The following UVRAG variants were observed in gnomAD, a reference collection of about 807,000 sequenced individuals.
The protein encoded by UVRAG is UV radiation resistance associated.
A neutral mutation model predicts 78.0 loss-of-function variants in UVRAG; 19 were observed. The ratio of observed to expected loss-of-function variants is 0.24; its 90% CI spans 0.17 to 0.36. UVRAG has a LOEUF of 0.36. Ranked by LOEUF, UVRAG falls within the 10% of genes least tolerant of loss-of-function variation. UVRAG has a pLI of 1.00. For synonymous variants in UVRAG, 323 were observed against 324.6 expected, an observed-to-expected ratio of 1.00 and a Z score of 0.05; for missense variants, 740 against 853.8, an observed-to-expected ratio of 0.87 and a Z score of 1.66.
At chr11:75,874,696 A>G (rs1419503653) in intron 3 of UVRAG, among the ~76,000 whole-genome samples, 1 of 152,252 alleles carries the variant, frequency 6.6e-6, no homozygotes, top group Non-Finnish European at 1.5e-5. Context: ...GACTGTCACT[A>G]GTAAGTATTA....
chr11:76,058,124 T>G (rs2134365154), intron 12 of UVRAG, among the ~76,000 whole-genome samples: 1 of 152,278 alleles, frequency 6.6e-6, no homozygotes, highest in Non-Finnish European at 1.5e-5. Flanking sequence ...GGTATTCATG[T>G]TATAATCTAT....
At chr11:75,885,499 A>G (rs759780085) in intron 4 of UVRAG, among the ~76,000 whole-genome samples, 4 of 152,138 alleles carry the variant, frequency 2.6e-5, no homozygotes, top group African/African-American at 4.8e-5. Flanking sequence ...TTTGCCAAAG[A>G]TCGCGCAGTG....
intron 7 of UVRAG, among the ~76,000 whole-genome samples, chr11:75,977,802 T>A (rs1387034396): frequency 2.0e-5 from 3 of 152,188 alleles, no homozygotes; most frequent in Admixed American, 6.5e-5. Context: ...TACAGCACAC[T>A]TATGGGTCTT....
chr11:75,932,323 T>C (rs1280644886), intron 6 of UVRAG, among the ~76,000 whole-genome samples: 1 of 152,014 alleles, frequency 6.6e-6, no homozygotes, highest in Admixed American at 6.6e-5. Flanking sequence ...TCTCACTCTG[T>C]CATCAGGCTG....
At chr11:76,137,594 C>G in intron 14 of UVRAG, 1 of 392,644 alleles carries the variant, frequency 2.5e-6, no homozygotes, top group Non-Finnish European at 5.0e-6. Flanking sequence ...AATTTCCTTA[C>G]CATTCTTAAG....
intron 12 of UVRAG, among the ~76,000 whole-genome samples, chr11:76,043,058 G>A (rs903533347): frequency 6.6e-6 from 1 of 152,314 alleles, no homozygotes; most frequent in African/African-American, 2.4e-5. Context: ...CCTAACTAAT[G>A]GAGGAAGGGG....
chr11:76,110,103 C>T (rs542285715), intron 13 of UVRAG, among the ~76,000 whole-genome samples: 3 of 152,016 alleles, frequency 2.0e-5, no homozygotes, highest in African/African-American at 7.2e-5. Context: ...TTCTGCCCCC[C>T]ATTCTTAGTA....
Position 76,119,861 on chromosome 11 carries a change from C to T in UVRAG, c.1397+3846C>T, listed in dbSNP as rs541734579. On this transcript the variant is annotated intron_variant, in intron 14 of 14. Transcript: ENST00000356136. ...TTCTAAATGTTGGCTAGATCTTAAT[C>T]ACTCTTCAGCTTCAGTGGCAAGAGT... Among the ~76,000 whole-genome samples the T allele has an allele frequency of 3.3e-5, 5 of 152,328 alleles. No homozygotes were observed. In the South Asian group the frequency reaches 1.0e-3, roughly 32 times the overall value.
At chr11:75,936,809 G>C (rs1234647587) in intron 6 of UVRAG, among the ~76,000 whole-genome samples, 1 of 152,158 alleles carries the variant, frequency 6.6e-6, no homozygotes, top group Non-Finnish European at 1.5e-5. Flanking sequence ...AGGTCTTGCT[G>C]TGTCTCCCAG....
chr11:76,015,619 T>C (rs1352936918), intron 11 of UVRAG, among the ~76,000 whole-genome samples: 1 of 152,080 alleles, frequency 6.6e-6, no homozygotes, highest in African/African-American at 2.4e-5. Flanking sequence ...AATATATAAA[T>C]AGTTACCTAT....
At chr11:75,949,401 C>G (rs977466001) in intron 6 of UVRAG, among the ~76,000 whole-genome samples, 1 of 152,030 alleles carries the variant, frequency 6.6e-6, no homozygotes, top group East Asian at 1.9e-4. Flanking sequence ...TGATCTCATT[C>G]ACTTTCATAG....
chr11:76,003,288 T>TTTTTTTTTTTTTTTTG (rs1491521163), intron 8 of UVRAG, among the ~76,000 whole-genome samples: 3 of 62,472 alleles, frequency 4.8e-5, no homozygotes, highest in African/African-American at 1.8e-4. Flanking sequence ...TTTTTTTTTT[T>TTTTTTTTTTTTTTTTG]GGAGACAGAG....
At chr11:75,830,257 G>T (rs1945623895) in intron 1 of UVRAG, among the ~76,000 whole-genome samples, 1 of 151,940 alleles carries the variant, frequency 6.6e-6, no homozygotes, top group Admixed American at 6.6e-5. Context: ...ATGGTTTTGA[G>T]GCTTCTTACA....
intron 1 of UVRAG, among the ~76,000 whole-genome samples, chr11:75,842,170 G>A (rs903593596): frequency 6.6e-6 from 1 of 152,156 alleles, no homozygotes; most frequent in South Asian, 2.1e-4. Flanking sequence ...AGCCTCAGAA[G>A]TCACATAGCT....
chr11:75,979,342 C>T (rs1039114948), intron 7 of UVRAG, among the ~76,000 whole-genome samples: 3 of 152,224 alleles, frequency 2.0e-5, no homozygotes, highest in African/African-American at 7.2e-5. Context: ...CTTGAGGAGG[C>T]AGTCTGTCCG....
At chr11:76,049,761 T>C (rs2134347922) in intron 12 of UVRAG, among the ~76,000 whole-genome samples, 1 of 152,318 alleles carries the variant, frequency 6.6e-6, no homozygotes, top group South Asian at 2.1e-4. Flanking sequence ...GGACTTCGGC[T>C]CATAGTTCAC....
chr11:76,063,412 C>T (rs1951129547), intron 12 of UVRAG, among the ~76,000 whole-genome samples: 2 of 152,208 alleles, frequency 1.3e-5, no homozygotes, highest in South Asian at 4.1e-4. Context: ...TCCCCACTAA[C>T]CTCTTCACCA....
rs528957879 is a variant in UVRAG at position 76,060,472 on chromosome 11, G to A, written c.1227-5238G>A. On this transcript the variant is annotated intron_variant, in intron 12 of 14. Coordinates refer to ENST00000356136, the MANE Select transcript of UVRAG (RefSeq NM_003369.4). ...GGCTCCCACTTTGGCGGCACTTGAG[G>A]AGCCCTTCAGCCCACCGCTGCACTG... Among the ~76,000 whole-genome samples the A allele has an allele frequency of 1.2e-4, 18 of 152,366 alleles. No individual in the cohort carries two copies. In the East Asian group the frequency reaches 3.5e-3, roughly 29 times the overall value.
chr11:75,950,551 G>C (rs1948671031), intron 6 of UVRAG, among the ~76,000 whole-genome samples: 1 of 152,188 alleles, frequency 6.6e-6, no homozygotes, highest in African/African-American at 2.4e-5. Context: ...ACCGCACCCA[G>C]CCCACATTAT....
Sources: allele counts gnomAD v4.1 joint callset (sites outside exome capture counted in the v4.1 genomes callset), GRCh38; gene constraint gnomAD v4.1.1; transcripts MANE v1.5; gene names NCBI Gene and HGNC (gene_info 2026-07-23, HGNC 2026-07-21).